Variants in IRAK3 observed in about 807,000 individuals in gnomAD.
IRAK3 encodes interleukin 1 receptor associated kinase 3.
Under a neutral mutation model 56.6 loss-of-function variants are expected in IRAK3, and 57 were observed. The observed-to-expected ratio is 1.01, with a 90% confidence interval of 0.81 to 1.26. The LOEUF (loss-of-function observed/expected upper bound fraction) is 1.26, where lower values mean the gene tolerates loss of function less well. Ranked by LOEUF, IRAK3 falls within the 50% of genes most tolerant of loss-of-function variation. The pLI is 0.00. For synonymous variants in IRAK3, 258 were observed against 255.7 expected (o/e 1.01, Z -0.09); for missense variants, 703 against 719.0 (o/e 0.98, Z 0.25).
At chr12:66,209,373 C>T (rs1405054779) in intron 2 of IRAK3, 83 bp from the exon 3 acceptor site, 2 of 790,736 alleles carry the variant, frequency 2.5e-6, no homozygotes. Context: ...GCTAGCAAGA[C>T]ATTTATTTTC....
intron 8 of IRAK3, among the ~76,000 whole-genome samples, chr12:66,241,990 TTG>T (rs138758238): frequency 9.2e-5 from 14 of 151,748 alleles, no homozygotes; most frequent in South Asian, 2.1e-4. Context: ...CAGGGTTTTT[TTG>T]TGTGTGTGTG....
chr12:66,240,843 C>T (rs985649160), intron 8 of IRAK3, among the ~76,000 whole-genome samples: 5 of 148,086 alleles, frequency 3.4e-5, no homozygotes, highest in Non-Finnish European at 7.4e-5. Flanking sequence ...TAAAATATAT[C>T]GGTATATATA....
rs1018598880 is a variant in IRAK3, at chr12:66,189,426, G to C, written c.127G>C (p.Gly43Arg). 6 of 1,326,686 alleles carry C rather than the reference G, an allele frequency of 4.5e-6. No individual in the cohort carries two copies. Among genetic ancestry groups the C allele is most frequent in the African/African-American group, 3.1e-5 (2 of 65,370 alleles). The allele number at this position is 1,326,686 out of a possible 1,614,324, so 82.2% of individuals were successfully genotyped here. The change falls in exon 1 of 12, where the codon GGC (glycine) becomes CGC (arginine). Residue 43 changes from glycine to arginine, a missense_variant. By Grantham distance (125) the Gly-to-Arg change is moderately radical. Transcript: ENST00000261233. Reference sequence around the variant, plus strand: ...CTGCGACGGCGCGCTGGGCTGGCGCGGCCTGGGTGAGTCGGCGGGGACCGG... The same window carrying C: ...CTGCGACGGCGCGCTGGGCTGGCGCCGCCTGGGTGAGTCGGCGGGGACCGG... Reference protein sequence around the residue: ...DSCDGALGWRGLAERLSSSWL... With the variant: ...DSCDGALGWRRLAERLSSSWL...
chr12:66,205,843 C>T (rs1167342403), intron 2 of IRAK3, among the ~76,000 whole-genome samples: 3 of 152,142 alleles, frequency 2.0e-5, no homozygotes, highest in Admixed American at 1.3e-4. Context: ...TATTTCCTCC[C>T]AGGTACTATG....
At chr12:66,210,074 G>A (rs1040421654) in intron 3 of IRAK3, 73 bp from the exon 4 acceptor site, 52 of 973,680 alleles carry the variant, frequency 5.3e-5, no homozygotes, top group Non-Finnish European at 8.0e-5. Flanking sequence ...AGGGAGCTTT[G>A]GATTTGTGTT....
chr12:66,230,250 C>T (rs966912216), intron 8 of IRAK3, among the ~76,000 whole-genome samples: 6 of 152,158 alleles, frequency 3.9e-5, no homozygotes, highest in African/African-American at 9.7e-5. Context: ...ACTGTTGGTT[C>T]GTGTCTTCAG....
rs1429922448 is a variant in IRAK3, at chr12:66,234,938, G to A, written c.887+6568G>A. The A allele has an allele frequency of 4.3e-6, 7 of 1,614,024 alleles. No individual in the cohort carries two copies. In the Admixed American group the frequency reaches 1.0e-4, roughly 23 times the overall value. On this transcript the variant is annotated intron_variant, in intron 8 of 11. Transcript: ENST00000261233. ...CCCACTGGCCTTCAGGGCAGACACA[G>A]CTTTTTGAGCTGCTGCAGGGCTGTC... is the stretch of plus-strand genomic sequence containing the variant.
intron 8 of IRAK3, among the ~76,000 whole-genome samples, chr12:66,238,681 T>C (rs1374086138): frequency 1.3e-5 from 2 of 151,930 alleles, no homozygotes; most frequent in East Asian, 3.9e-4. Context: ...GCGGTGAGAG[T>C]AGATAGCTTT....
At position 66,254,074 on chromosome 12, in the gene IRAK3, GT is replaced by G. The variant is rs2053129344; in HGVS notation, c.*5905del. ...AGCAATTGACAAAAATGGAATTCTT[GT>G]TCAATACTGGCAGGAGTGAAAATTG... On this transcript the variant is annotated 3_prime_UTR_variant, in exon 12 of 12. Coordinates refer to ENST00000261233, the MANE Select transcript of IRAK3 (RefSeq NM_007199.3). 1 of 152,112 alleles carries G rather than the reference GT, an allele frequency of 6.6e-6. No homozygotes were observed. Among genetic ancestry groups the G allele is most frequent in the African/African-American group, 2.4e-5 (1 of 41,430 alleles). 9.4% of individuals were successfully genotyped at this position (152,112 alleles called of 1,614,324 possible). A position where few individuals can be genotyped will look rare whatever the true frequency, so the allele number is the denominator to read the frequency against.
At chr12:66,226,490 C>A (rs1383317367) in intron 6 of IRAK3, among the ~76,000 whole-genome samples, 1 of 152,154 alleles carries the variant, frequency 6.6e-6, no homozygotes, top group Non-Finnish European at 1.5e-5. Flanking sequence ...GATCAGCTAG[C>A]CTCTGCCTCC....
intron 8 of IRAK3, among the ~76,000 whole-genome samples, chr12:66,243,226 A>G (rs1351425595): frequency 6.6e-6 from 1 of 152,324 alleles, no homozygotes; most frequent in South Asian, 2.1e-4. Context: ...TCCTCTGAAC[A>G]GTAAGAACAC....
intron 1 of IRAK3, among the ~76,000 whole-genome samples, chr12:66,199,482 T>C (rs1456668129): frequency 1.3e-5 from 2 of 152,208 alleles, no homozygotes; most frequent in Non-Finnish European, 2.9e-5. Context: ...TAGTGATTAT[T>C]TTTTCCTCCC....
intron 1 of IRAK3, among the ~76,000 whole-genome samples, chr12:66,195,556 C>T (rs1407582816): frequency 6.6e-6 from 1 of 152,190 alleles, no homozygotes; most frequent in African/African-American, 2.4e-5. Flanking sequence ...CTCCTTGTTC[C>T]TTGAACACGC....
At chr12:66,235,352 AG>A (rs2052895026) in intron 8 of IRAK3, 1 of 1,021,110 alleles carries the variant, frequency 9.8e-7, no homozygotes, top group Non-Finnish European at 1.2e-6. Flanking sequence ...CCTCGCCGCG[AG>A]GGGGAGGACG....
intron 1 of IRAK3, among the ~76,000 whole-genome samples, chr12:66,199,898 T>C (rs918461955): frequency 2.4e-4 from 37 of 152,220 alleles, no homozygotes; most frequent in Non-Finnish European, 1.5e-4. Flanking sequence ...AATGATAAGC[T>C]ATCTAAAACA....
At position 66,250,705 on chromosome 12, in the gene IRAK3, A is replaced by G. The variant is rs1440060186; in HGVS notation, c.*2534A>G. On this transcript the variant is annotated 3_prime_UTR_variant, in exon 12 of 12. Transcript: ENST00000261233. ...TGATTAACACCAGGCCCATGCAGTT[A>G]CTCCGCACATATAATCTGTGGGTAT... 1.3e-5 allele frequency: 2 copies of G among 152,236 alleles called. No homozygotes were observed. The highest frequency in any genetic ancestry group is 2.9e-5 in the Non-Finnish European group (2 of 68,048). The allele number at this position is 152,236 out of a possible 1,614,324, so 9.4% of individuals were successfully genotyped here.
chr12:66,202,291 AACCCTGGCC>A (rs2052515501), intron 1 of IRAK3, among the ~76,000 whole-genome samples: 1 of 152,152 alleles, frequency 6.6e-6, no homozygotes, highest in Non-Finnish European at 1.5e-5. Context: ...GAAGCAATGG[AACCCTGGCC>A]ACAATGAGCA....
At chr12:66,247,497 A>G (rs1456512095) in intron 11 of IRAK3, among the ~76,000 whole-genome samples, 198 bp from the exon 12 acceptor site, 1 of 152,174 alleles carries the variant, frequency 6.6e-6, no homozygotes, top group African/African-American at 2.4e-5. Flanking sequence ...TTTCTTTTAT[A>G]CCTGGTTTTA....
chr12:66,198,527 T>C (rs532629068), intron 1 of IRAK3, among the ~76,000 whole-genome samples: 1 of 152,342 alleles, frequency 6.6e-6, no homozygotes, highest in East Asian at 1.9e-4. Flanking sequence ...TTCCTTTCCT[T>C]TCCTGGCTGT....
Sources: gnomAD v4.1 joint callset for allele counts (sites outside exome capture counted in the v4.1 genomes callset) on GRCh38, gnomAD v4.1.1 for gene constraint, MANE v1.5 for transcripts, NCBI Gene and HGNC (gene_info 2026-07-23, HGNC 2026-07-21) for gene names.